MAP3K13: variants seen among roughly 807,000 people sequenced by gnomAD.
MAP3K13 encodes the protein leucine zipper-bearing kinase.
MAP3K13 carries 52 observed loss-of-function variants against 104.0 expected under a neutral mutation model. That is an observed-to-expected ratio of 0.50 (90% CI 0.40 to 0.63). The LOEUF (loss-of-function observed/expected upper bound fraction) is 0.63. Ranked by LOEUF, MAP3K13 falls within the 20% of genes least tolerant of loss-of-function variation. The pLI is 0.00. For missense variants in MAP3K13, 914 were observed against 1,218.5 expected (o/e 0.75, Z 3.72); for synonymous variants, 394 against 442.2 (o/e 0.89, Z 1.37).
chr3:185,454,464 A>C (rs1716170125), intron 7 of MAP3K13, among the ~76,000 whole-genome samples: 1 of 104,902 alleles, frequency 9.5e-6, no homozygotes, highest in African/African-American at 3.9e-5. Context: ...GATATATATG[A>C]TATATATATG....
rs1222985841 is a variant in MAP3K13, at chr3:185,484,286, C to T, written c.*1830C>T. 1 of 152,158 alleles carries T rather than the reference C, an allele frequency of 6.6e-6. No homozygotes were observed. Among genetic ancestry groups the T allele is most frequent in the Non-Finnish European group, 1.5e-5 (1 of 68,016 alleles). 9.4% of individuals were successfully genotyped at this position (152,158 alleles called of 1,614,324 possible). A position where few individuals can be genotyped will look rare whatever the true frequency, so the allele number is the denominator to read the frequency against. On this transcript the variant is annotated 3_prime_UTR_variant, in exon 14 of 14. Transcript: ENST00000265026. ...CTCCAGGGTCATGGGCTCTGAAAAG[C>T]ATTCCAAGGTACTTCATGGTGCCTT... is the stretch of plus-strand genomic sequence containing the variant.
intron 2 of MAP3K13, chr3:185,329,276 T>C (rs751802853): frequency 1.4e-6 from 1 of 702,852 alleles, no homozygotes; most frequent in Non-Finnish European, 2.6e-6. Flanking sequence ...TGCCGAGAGA[T>C]TGTTTCTAAG....
At position 185,480,234 on chromosome 3, in the gene MAP3K13, C is replaced by A. The variant is rs765899013; in HGVS notation, c.2504C>A (p.Pro835His). Residue 835 changes from proline to histidine, a missense_variant and splice_region_variant, in exon 13 of 14, where the codon CCC (proline) becomes CAC (histidine). By Grantham distance (77) the Pro-to-His change is moderately conservative (BLOSUM62 -2). This residue lies in a region of MAP3K13 where 583 missense variants were observed against 737.4 expected (regional missense o/e 0.79). Coordinates refer to ENST00000265026, the MANE Select transcript of MAP3K13 (RefSeq NM_004721.5). ...CTCCTGGTTCTTCTTGGTTCTAGGCCCCATCGCTGTATCAGCAGCTGCCAG... is the reference window on the plus strand; with the variant it reads ...CTCCTGGTTCTTCTTGGTTCTAGGCACCATCGCTGTATCAGCAGCTGCCAG... ...SEVEFPRRQRPHRCISSCQSY... is the reference protein window; with the variant it reads ...SEVEFPRRQRHHRCISSCQSY... The A allele has an allele frequency of 6.2e-6, 10 of 1,613,578 alleles. No homozygotes were observed. Among genetic ancestry groups the A allele is most frequent in the Non-Finnish European group, 7.6e-6 (9 of 1,179,806 alleles).
intron 8 of MAP3K13, 66 bp downstream of exon 8, chr3:185,463,725 T>C: frequency 1.1e-6 from 1 of 872,200 alleles, no homozygotes; most frequent in East Asian, 2.4e-5. Flanking sequence ...CAGGCACCCT[T>C]ATCATAACCA....
In MAP3K13 at chr3:185,346,111, C is replaced by T. The variant is rs1722913190; in HGVS notation, c.-86+60468C>T. Reference sequence around the variant, plus strand: ...GTCACTGTGTTATACAAGAGATCTCCTGAACTTATTCCTTCTAACTGAAAT... The same window carrying T: ...GTCACTGTGTTATACAAGAGATCTCTTGAACTTATTCCTTCTAACTGAAAT... On this transcript the variant is annotated intron_variant, in intron 2 of 14. Coordinates refer to the MAP3K13 transcript ENST00000424227. Among the ~76,000 whole-genome samples the T allele has an allele frequency of 2.6e-5, 4 of 152,266 alleles. No homozygotes were observed. In the South Asian group the frequency reaches 8.3e-4, roughly 32 times the overall value.
Position 185,482,801 on chromosome 3 carries a change from T to C in MAP3K13, c.*345T>C, listed in dbSNP as rs1419998225. The C allele has an allele frequency of 4.3e-6, 1 of 232,622 alleles. No homozygotes were observed. The highest frequency in any genetic ancestry group is 6.3e-5 in the East Asian group (1 of 15,950). The allele number at this position is 232,622 out of a possible 1,614,324, so 14.4% of individuals were successfully genotyped here. A position where few individuals can be genotyped will look rare whatever the true frequency, so the allele number is the denominator to read the frequency against. On this transcript the variant is annotated 3_prime_UTR_variant, in exon 14 of 14. Transcript: ENST00000265026. The surrounding 1 kb of genome is among the most constrained non-coding windows in gnomAD (Gnocchi z 4.5). ...AACTATATATGAGATAGAGAGACAA[T>C]AATTTCTTGCAAAAAAAAAAAGAGA...
chr3:185,314,944 A>G (rs538342633), intron 2 of MAP3K13, among the ~76,000 whole-genome samples: 67 of 152,156 alleles, frequency 4.4e-4, no homozygotes, highest in Admixed American at 8.5e-4. Flanking sequence ...CCTGGCCACA[A>G]TTTTTAAAAA....
intron 2 of MAP3K13, among the ~76,000 whole-genome samples, chr3:185,314,718 C>T (rs1003765104): frequency 6.6e-6 from 1 of 152,102 alleles, no homozygotes; most frequent in East Asian, 1.9e-4. Flanking sequence ...CTTCAGGGCT[C>T]AGGTGACCCT....
intron 1 of MAP3K13, among the ~76,000 whole-genome samples, chr3:185,389,986 C>T (rs1403375549): frequency 3.3e-5 from 5 of 152,120 alleles, no homozygotes; most frequent in African/African-American, 1.2e-4. Context: ...ACTGGATTCT[C>T]ATATCTGCTT....
At chr3:185,457,129 G>C (rs1716802246) in intron 7 of MAP3K13, among the ~76,000 whole-genome samples, 1 of 51,816 alleles carries the variant, frequency 1.9e-5, no homozygotes, top group African/African-American at 4.0e-5. Flanking sequence ...GGGCAGCTAA[G>C]TTGCCACAGT....
At chr3:185,448,044 C>A in intron 5 of MAP3K13, 97 bp downstream of exon 5, 1 of 1,313,696 alleles carries the variant, frequency 7.6e-7, no homozygotes, top group Non-Finnish European at 1.1e-6. Flanking sequence ...CCAGAATATT[C>A]TTCAGTGTTG....
In MAP3K13 at chr3:185,482,039, G is replaced by A. The variant is rs917948955; in HGVS notation, c.2800-316G>A. Among the ~76,000 whole-genome samples, 17 of 152,066 alleles carry A rather than the reference G, an allele frequency of 1.1e-4. No homozygotes were observed. The highest frequency in any genetic ancestry group is 3.4e-4 in the African/African-American group (14 of 41,394). ...GCGGAGGTTGCAGCGAGCCAAGATC[G>A]TGCCACTGCACTCCAGCCTGGGCGA... On this transcript the variant is annotated intron_variant, in intron 13 of 13. Transcript: ENST00000265026. The surrounding 1 kb of genome is among the most constrained non-coding windows in gnomAD (Gnocchi z 4.5).
chr3:185,314,082 A>C (rs1354695990), intron 2 of MAP3K13, among the ~76,000 whole-genome samples: 1 of 152,210 alleles, frequency 6.6e-6, no homozygotes, highest in African/African-American at 2.4e-5. Context: ...CACGCTGTGC[A>C]CTTCTGTTGC....
At chr3:185,377,239 C>T (rs1021134212) in intron 1 of MAP3K13, among the ~76,000 whole-genome samples, 5 of 152,028 alleles carry the variant, frequency 3.3e-5, no homozygotes, top group Admixed American at 1.3e-4. Flanking sequence ...CTGTAACAGG[C>T]GAGTGATAAC....
chr3:185,481,335 T>C (rs1718440614), intron 13 of MAP3K13: 1 of 151,886 alleles, frequency 6.6e-6, no homozygotes, highest in African/African-American at 2.4e-5. Context: ...AACAACAAAA[T>C]TTAATTAGCT....
intron 2 of MAP3K13, among the ~76,000 whole-genome samples, chr3:185,347,823 AC>A (rs1191688139): frequency 2.0e-5 from 3 of 152,094 alleles, no homozygotes; most frequent in African/African-American, 7.2e-5. Context: ...AGCCTGGCCA[AC>A]ATGGTGAAAC....
In MAP3K13 at chr3:185,473,957, C is replaced by T. The variant is rs773443185; in HGVS notation, c.2430+196C>T. On this transcript the variant is annotated intron_variant, in intron 11 of 13. Coordinates refer to ENST00000265026, the MANE Select transcript of MAP3K13 (RefSeq NM_004721.5). The surrounding 1 kb of genome is among the most constrained non-coding windows in gnomAD (Gnocchi z 4.9). ...TGTTTAAGTGATAAACTACGGAATA[C>T]ACTTTAGCAACTACTGAACCAGAGG... 5.3e-5 allele frequency among the ~76,000 whole-genome samples: 8 copies of T among 152,140 alleles called. No homozygotes were observed. The highest frequency in any genetic ancestry group is 7.4e-5 in the Non-Finnish European group (5 of 68,022).
rs1013351210 is a variant in MAP3K13 at position 185,486,042 on chromosome 3, A to G, written c.*3586A>G. The G allele has an allele frequency of 6.6e-6, 1 of 152,194 alleles. No individual in the cohort carries two copies. Among genetic ancestry groups the G allele is most frequent in the African/African-American group, 2.4e-5 (1 of 41,450 alleles). 9.4% of individuals were successfully genotyped at this position (152,194 alleles called of 1,614,324 possible). A position where few individuals can be genotyped will look rare whatever the true frequency, so the allele number is the denominator to read the frequency against. On this transcript the variant is annotated 3_prime_UTR_variant, in exon 14 of 14. Coordinates refer to ENST00000265026, the MANE Select transcript of MAP3K13 (RefSeq NM_004721.5). ...CTTGGAACAGAGATGCTACAACTCT[A>G]TGTCTTCTTTCTATCCAACATAAAA...
intron 2 of MAP3K13, among the ~76,000 whole-genome samples, chr3:185,297,871 CTACT>C (rs1406699694): frequency 5.3e-5 from 8 of 150,350 alleles, no homozygotes; most frequent in Admixed American, 6.6e-5. Flanking sequence ...AAAATAAGAG[CTACT>C]CTCTCTCTCT....
Sources: allele counts gnomAD v4.1 joint callset (sites outside exome capture counted in the v4.1 genomes callset), GRCh38; gene constraint gnomAD v4.1.1; regional missense constraint gnomAD v4.1.1; non-coding constraint Gnocchi (gnomAD v3.1); transcripts MANE v1.5; gene names NCBI Gene and HGNC (gene_info 2026-07-23, HGNC 2026-07-21).